Variants in MTSS2 observed in about 807,000 individuals in gnomAD.
The protein encoded by MTSS2 is MTSS I-BAR domain containing 2, also known as protein MTSS 2.
A neutral mutation model predicts 67.1 loss-of-function variants in MTSS2; 27 were observed. The ratio of observed to expected loss-of-function variants is 0.40; its 90% CI spans 0.30 to 0.55. MTSS2 has a LOEUF of 0.55. Ranked by LOEUF, MTSS2 falls within the 20% of genes least tolerant of loss-of-function variation. The pLI, the probability that MTSS2 is intolerant of heterozygous loss-of-function variation, is 0.43. For synonymous variants in MTSS2, 624 were observed against 468.6 expected, an observed-to-expected ratio of 1.33 and a Z score of -4.28; for missense variants, 1,171 against 1,067.8, an observed-to-expected ratio of 1.10 and a Z score of -1.35.
chr16:70,664,647 G>A lies in MTSS2; in HGVS notation c.1422C>T (p.Ser474=), dbSNP rs886468870. 6.2e-6 allele frequency: 10 copies of A among 1,613,228 alleles called. No individual in the cohort carries two copies. The highest frequency in any genetic ancestry group is 1.3e-5 in the African/African-American group (1 of 74,922). Residue 474 remains serine, a synonymous_variant, in exon 14 of 15, where the codon AGC becomes AGT. Coordinates refer to ENST00000338779, the MANE Select transcript of MTSS2 (RefSeq NM_138383.3). ...RDSLQYSSGY[S]TQTTTPSCSE... is the part of the protein sequence containing the mutation. Reference sequence around the variant, plus strand: ...AGCAGGAGGGCGTGGTGGTCTGCGTGCTGTAGCCGCTGGAGTACTGCAGCG... The same window carrying A: ...AGCAGGAGGGCGTGGTGGTCTGCGTACTGTAGCCGCTGGAGTACTGCAGCG...
At chr16:70,682,880 G>C (rs1052726419) in intron 1 of MTSS2, among the ~76,000 whole-genome samples, 8 of 152,178 alleles carry the variant, frequency 5.3e-5, no homozygotes, top group African/African-American at 1.9e-4. Flanking sequence ...AGCCCGTAGA[G>C]GTTAGCTCAT....
intron 10 of MTSS2, among the ~76,000 whole-genome samples, chr16:70,674,973 C>A (rs1354353984): frequency 6.6e-6 from 1 of 152,160 alleles, no homozygotes; most frequent in African/African-American, 2.4e-5. Flanking sequence ...GTTAGCTGGG[C>A]ATGGTGGCGC....
At chr16:70,679,438 T>A (rs1411048822) in intron 6 of MTSS2, 115 bp from the exon 7 acceptor site, 1 of 1,361,126 alleles carries the variant, frequency 7.3e-7, no homozygotes, top group Non-Finnish European at 1.0e-6. Context: ...TCCTGCTGCC[T>A]CCCATAGGGA....
At chr16:70,682,161 C>T (rs978076125) in intron 1 of MTSS2, among the ~76,000 whole-genome samples, 18 of 152,330 alleles carry the variant, frequency 1.2e-4, no homozygotes, top group African/African-American at 4.3e-4. Flanking sequence ...ATCTCCCTCC[C>T]CTCCCAGCCC....
chr16:70,665,735 T>G (rs1250587008), intron 11 of MTSS2, 195 bp from the exon 12 acceptor site: 2 of 526,692 alleles, frequency 3.8e-6, no homozygotes, highest in Non-Finnish European at 6.6e-6. Context: ...CAGCCCAGAG[T>G]GCACACGGTG....
chr16:70,673,475 G>T (rs1435613690), intron 11 of MTSS2, among the ~76,000 whole-genome samples: 1 of 152,146 alleles, frequency 6.6e-6, no homozygotes, highest in Non-Finnish European at 1.5e-5. Flanking sequence ...GAACTTTCAA[G>T]AAGAGGACAA....
chr16:70,668,336 G>A lies in MTSS2; in HGVS notation c.1054-2796C>T, dbSNP rs111254051. On this transcript the variant is annotated intron_variant, in intron 11 of 14. Transcript: ENST00000338779. ...AGGCATGAGAATTGCTTAAGCCTGG[G>A]GACAGAGGTTGCAGTGAGCCAATAC... Among the ~76,000 whole-genome samples, 41 of 151,708 alleles carry A rather than the reference G, an allele frequency of 2.7e-4. 2 individuals are homozygous for A. Among genetic ancestry groups the A allele is most frequent in the African/African-American group, 8.9e-4 (37 of 41,418 alleles).
intron 12 of MTSS2, 105 bp from the exon 13 acceptor site, chr16:70,665,201 G>T: frequency 7.5e-7 from 1 of 1,337,552 alleles, no homozygotes; most frequent in Non-Finnish European, 1.0e-6. Flanking sequence ...GCTATCAGGG[G>T]GTCTCTGGTT....
At position 70,678,306 on chromosome 16, in the gene MTSS2, C is replaced by G; in HGVS notation, c.570G>C (p.Leu190=). 6.2e-7 allele frequency: 1 copy of G among 1,612,578 alleles called. No homozygotes were observed. The highest frequency in any genetic ancestry group is 8.5e-7 in the Non-Finnish European group (1 of 1,179,980). Residue 190 remains leucine, a synonymous_variant, in exon 8 of 15, where the codon CTG becomes CTC. Transcript: ENST00000338779. ...TGCAGAAGCGGCCCCGCTCCTCGAT[C>G]AGCGCCCGGCGCACGGCCTGCTTCT... is the stretch of plus-strand genomic sequence containing the variant. ...ETEKQAVRRA[L]IEERGRFCTF...
rs567076628 is a variant in MTSS2, at chr16:70,671,774, G to T, written c.1053+2532C>A. ...CTTGGCACACGCCACCTTAACTAAG[G>T]ATCAAGGTGAACATCAGCAGTCACA... On this transcript the variant is annotated intron_variant, in intron 11 of 14. Transcript: ENST00000338779. 1.0e-3 allele frequency among the ~76,000 whole-genome samples: 155 copies of T among 152,238 alleles called. No individual in the cohort carries two copies. In the Middle Eastern group the frequency reaches 0.01, roughly 10 times the overall value.
chr16:70,674,203 TATAGTAGTCTCAACAGC>T, intron 11 of MTSS2, 86 bp downstream of exon 11: 1 of 175,444 alleles, frequency 5.7e-6, no homozygotes, highest in African/African-American at 1.1e-4. Context: ...TCTCAACAGC[TATAGTAGTCTCAACAGC>T]TATAGTAGTC....
rs1341201440 is a variant in MTSS2 at position 70,679,322 on chromosome 16, C to T, written c.459G>A (p.Glu153=). The T allele has an allele frequency of 6.2e-7, 1 of 1,613,878 alleles. No individual in the cohort carries two copies. Among genetic ancestry groups the T allele is most frequent in the African/African-American group, 1.3e-5 (1 of 74,910 alleles). Residue 153 remains glutamate, a splice_region_variant and synonymous_variant, in exon 7 of 15, where the codon GAG becomes GAA. Transcript: ENST00000338779. ...GACCGACATTTGACTTACCAAGTAG[C>T]TCTACAGGAAGGATGTGGGAGGAGA... ...TLKLQKKARK[E]LLGKGDLQPQ...
chr16:70,678,562 G>T, intron 7 of MTSS2, 153 bp from the exon 8 acceptor site: 1 of 856,256 alleles, frequency 1.2e-6, no homozygotes, highest in Non-Finnish European at 1.7e-6. Context: ...GAGGACTCTG[G>T]GGCTTGTGGA....
rs1160928928 is a variant in MTSS2, at chr16:70,679,919, C to G, written c.291-42G>C. On this transcript the variant is annotated intron_variant, in intron 4 of 14. Coordinates refer to ENST00000338779, the MANE Select transcript of MTSS2 (RefSeq NM_138383.3). ...GGAGCGCAGGTCAGGGCCGGGCTCC[C>G]CCGCGACGCCCCGTCCCCCCGCCCC... 6 of 1,525,272 alleles carry G rather than the reference C, an allele frequency of 3.9e-6. No homozygotes were observed. The African/African-American group carries it at 4.1e-5, about 11-fold the overall frequency. 94.5% of individuals were successfully genotyped at this position (1,525,272 alleles called of 1,614,324 possible). A position where few individuals can be genotyped will look rare whatever the true frequency, so the allele number is the denominator to read the frequency against.
chr16:70,670,208 T>C (rs1440681010), intron 11 of MTSS2, among the ~76,000 whole-genome samples: 1 of 152,032 alleles, frequency 6.6e-6, no homozygotes, highest in African/African-American at 2.4e-5. Flanking sequence ...AGGATGGAGG[T>C]TGCAGTGAGC....
chr16:70,677,952 GC>G, intron 8 of MTSS2, 53 bp from the exon 9 acceptor site: 1 of 1,402,118 alleles, frequency 7.1e-7, no homozygotes. Flanking sequence ...CTGCCCGCCT[GC>G]CCAGCGCCCC....
At chr16:70,674,107 T>C (rs558457948) in intron 11 of MTSS2, among the ~76,000 whole-genome samples, 199 bp downstream of exon 11, 1 of 152,266 alleles carries the variant, frequency 6.6e-6, no homozygotes, top group East Asian at 1.9e-4. Flanking sequence ...ATTTAAGATA[T>C]AAAGATATGT....
intron 1 of MTSS2, among the ~76,000 whole-genome samples, chr16:70,685,023 G>T (rs960334280): frequency 6.6e-6 from 1 of 152,182 alleles, no homozygotes; most frequent in African/African-American, 2.4e-5. Context: ...GGGAGACAAG[G>T]AGGGCTCGGA....
At chr16:70,678,487 G>A (rs905263990) in intron 7 of MTSS2, 78 bp from the exon 8 acceptor site, 1 of 1,513,042 alleles carries the variant, frequency 6.6e-7, no homozygotes, top group Non-Finnish European at 8.9e-7. Context: ...TCAGACCCTG[G>A]TGGTGGCATC....
Sources: gnomAD v4.1 joint callset for allele counts (sites outside exome capture counted in the v4.1 genomes callset) on GRCh38, gnomAD v4.1.1 for gene constraint, MANE v1.5 for transcripts, NCBI Gene and HGNC (gene_info 2026-07-23, HGNC 2026-07-21) for gene names.